CNTN5: variants seen among roughly 807,000 people sequenced by gnomAD.
CNTN5 encodes contactin-5.
Under a neutral mutation model 129.1 loss-of-function variants are expected in CNTN5, and 77 were observed. The ratio of observed to expected loss-of-function variants is 0.60; its 90% CI spans 0.50 to 0.72. The LOEUF is 0.72. Ranked by LOEUF, CNTN5 falls within the 30% of genes least tolerant of loss-of-function variation. CNTN5 has a pLI of 0.00. For missense variants in CNTN5, 1,478 were observed against 1,328.8 expected, an observed-to-expected ratio of 1.11 and a Z score of -1.75; for synonymous variants, 509 against 465.6, an observed-to-expected ratio of 1.09 and a Z score of -1.20.
chr11:99,268,763 A>G (rs1167631788), intron 1 of CNTN5, among the ~76,000 whole-genome samples: 1 of 152,150 alleles, frequency 6.6e-6, no homozygotes, highest in South Asian at 2.1e-4. Flanking sequence ...CTTAGAGTGT[A>G]GTTACATAAT....
chr11:99,117,502 T>A (rs1203177237), intron 1 of CNTN5, among the ~76,000 whole-genome samples: 1 of 152,192 alleles, frequency 6.6e-6, no homozygotes, highest in Non-Finnish European at 1.5e-5. Flanking sequence ...AATATTATAA[T>A]GTGAAATTTG....
intron 2 of CNTN5, among the ~76,000 whole-genome samples, chr11:99,434,046 T>C (rs545622048): frequency 6.6e-6 from 1 of 152,282 alleles, no homozygotes; most frequent in African/African-American, 2.4e-5. Context: ...GACACTGTGC[T>C]CAGTGCCATA....
chr11:100,143,340 C>T lies in CNTN5; in HGVS notation c.1581-47786C>T, dbSNP rs531098193. Among the ~76,000 whole-genome samples the T allele has an allele frequency of 5.9e-5, 9 of 152,242 alleles. No homozygotes were observed. In the East Asian group the frequency reaches 1.7e-3, roughly 29 times the overall value. ...TGAGTATTCTAATTGTTAAAGCCAGCTGGAGCCTGAAAACTGTAAATGCCA... is the reference window on the plus strand; with the variant it reads ...TGAGTATTCTAATTGTTAAAGCCAGTTGGAGCCTGAAAACTGTAAATGCCA... On this transcript the variant is annotated intron_variant, in intron 13 of 24. Transcript: ENST00000524871.
chr11:99,840,168 G>C (rs1176967534), intron 4 of CNTN5, among the ~76,000 whole-genome samples: 1 of 152,098 alleles, frequency 6.6e-6, no homozygotes, highest in African/African-American at 2.4e-5. Context: ...TGTTACCAGA[G>C]GGTGGAAAAA....
At chr11:99,258,849 A>G (rs902180857) in intron 1 of CNTN5, among the ~76,000 whole-genome samples, 5 of 151,966 alleles carry the variant, frequency 3.3e-5, no homozygotes, top group African/African-American at 1.2e-4. Context: ...ACTAAGATAT[A>G]AAATTATTTT....
intron 3 of CNTN5, among the ~76,000 whole-genome samples, chr11:99,611,723 G>A (rs560358250): frequency 6.6e-6 from 1 of 152,220 alleles, no homozygotes; most frequent in Admixed American, 6.5e-5. Context: ...CACTACAAAG[G>A]TATAATATGC....
chr11:99,160,816 G>A (rs1473318285), intron 1 of CNTN5, among the ~76,000 whole-genome samples: 4 of 152,286 alleles, frequency 2.6e-5, no homozygotes, highest in South Asian at 2.1e-4. Flanking sequence ...AAGCAGTTAC[G>A]TTTAAGGCAA....
rs377667793 is a variant in CNTN5 at position 99,744,499 on chromosome 11, C to T, written c.56-75045C>T. On this transcript the variant is annotated intron_variant, in intron 3 of 24. Transcript: ENST00000524871. Reference sequence around the variant, plus strand: ...TGGATCACTTGAGCCCAGGAGTTAGCGACCGATTGGGCAACATAGCAAAAC... The same window carrying T: ...TGGATCACTTGAGCCCAGGAGTTAGTGACCGATTGGGCAACATAGCAAAAC... 3.3e-4 allele frequency among the ~76,000 whole-genome samples: 43 copies of T among 129,116 alleles called. 1 individual carries two copies. In the South Asian group the frequency reaches 7.3e-3, roughly 22 times the overall value. 84.7% of individuals were successfully genotyped at this position (129,116 alleles called of 152,430 possible). A position where few individuals can be genotyped will look rare whatever the true frequency, so the allele number is the denominator to read the frequency against.
At chr11:99,648,707 C>A (rs1347535453) in intron 3 of CNTN5, among the ~76,000 whole-genome samples, 1 of 151,774 alleles carries the variant, frequency 6.6e-6, no homozygotes, top group Non-Finnish European at 1.5e-5. Context: ...TATATATTTA[C>A]AATGGAATAC....
chr11:99,263,294 C>T (rs577435612), intron 1 of CNTN5, among the ~76,000 whole-genome samples: 1 of 152,134 alleles, frequency 6.6e-6, no homozygotes, highest in Admixed American at 6.6e-5. Context: ...AAAAACTATC[C>T]TTTTGAAAAG....
intron 2 of CNTN5, among the ~76,000 whole-genome samples, chr11:99,462,360 C>CTTTTTTTTTTTTTTTTTTTTTT (rs72276833): frequency 3.0e-4 from 37 of 125,278 alleles, no homozygotes; most frequent in South Asian, 7.9e-4. Context: ...CTTTTCTTTT[C>CTTTTTTTTTTTTTTTTTTTTTT]TTTTTTTTTT....
At chr11:99,842,358 A>T (rs1204391650) in intron 4 of CNTN5, among the ~76,000 whole-genome samples, 2 of 152,258 alleles carry the variant, frequency 1.3e-5, no homozygotes, top group Non-Finnish European at 2.9e-5. Flanking sequence ...ACAAGTAAAT[A>T]TTAGTTATTA....
At chr11:100,224,922 A>G (rs1949340591) in intron 16 of CNTN5, 110 bp downstream of exon 16, 1 of 1,032,308 alleles carries the variant, frequency 9.7e-7, no homozygotes, top group African/African-American at 1.6e-5. Context: ...TTTACTTTCA[A>G]TTTTACAATA....
At chr11:99,157,058 G>A (rs529462193) in intron 1 of CNTN5, among the ~76,000 whole-genome samples, 59 of 151,996 alleles carry the variant, frequency 3.9e-4, no homozygotes, top group African/African-American at 1.3e-3. Flanking sequence ...ATTTTTTAAA[G>A]ATTGAATAAT....
chr11:100,027,120 G>A (rs1941461516), intron 9 of CNTN5, among the ~76,000 whole-genome samples: 1 of 151,968 alleles, frequency 6.6e-6, no homozygotes, highest in African/African-American at 2.4e-5. Context: ...TAATGTTCTT[G>A]TTTACTAACT....
chr11:99,858,748 G>T (rs1277309495), intron 6 of CNTN5, among the ~76,000 whole-genome samples: 1 of 150,842 alleles, frequency 6.6e-6, no homozygotes, highest in Non-Finnish European at 1.5e-5. Context: ...AAAAAAAAAG[G>T]CTTTGCTCAT....
chr11:99,043,394 C>A (rs1016637818), intron 1 of CNTN5, among the ~76,000 whole-genome samples: 1 of 150,830 alleles, frequency 6.6e-6, no homozygotes, highest in Non-Finnish European at 1.5e-5. Flanking sequence ...TGTAACTAAC[C>A]TGCACAATGT....
chr11:100,318,738 A>G (rs1951618423), intron 21 of CNTN5, among the ~76,000 whole-genome samples: 1 of 152,198 alleles, frequency 6.6e-6, no homozygotes, highest in Non-Finnish European at 1.5e-5. Context: ...TACTAAATCT[A>G]TGAGTGTTGC....
chr11:99,991,405 T>C (rs1365990382), intron 8 of CNTN5, among the ~76,000 whole-genome samples: 1 of 152,132 alleles, frequency 6.6e-6, no homozygotes, highest in Non-Finnish European at 1.5e-5. Context: ...AGGCAGAGCT[T>C]GCAGTGAGCC....
Sources: allele counts gnomAD v4.1 joint callset (sites outside exome capture counted in the v4.1 genomes callset), GRCh38; gene constraint gnomAD v4.1.1; transcripts MANE v1.5; gene names NCBI Gene and HGNC (gene_info 2026-07-23, HGNC 2026-07-21).